CIMAP2: variants seen among roughly 807,000 people sequenced by gnomAD.
The protein encoded by CIMAP2 is ciliary microtubule associated protein 2, also known as ciliary microtubule-associated protein 2.
chr1:54,827,024 C>T, the CIMAP2 span, among the ~76,000 whole-genome samples: 1 of 152,248 alleles, frequency 6.6e-6, no homozygotes, highest in Non-Finnish European at 1.5e-5. Flanking sequence ...TGCATGTATT[C>T]ATCTGCCTTG....
At chr1:54,814,028 C>T in the CIMAP2 span, 29 of 1,533,468 alleles carry the variant, frequency 1.9e-5, no homozygotes, top group Middle Eastern at 1.9e-4. Context: ...GCTCTCCTTC[C>T]GGGGCTGGGC....
chr1:54,831,826 TAA>T, the CIMAP2 span, among the ~76,000 whole-genome samples: 1 of 152,064 alleles, frequency 6.6e-6, no homozygotes, highest in Non-Finnish European at 1.5e-5. Context: ...TGGTAAACAA[TAA>T]AAAAATCCAT....
chr1:54,841,892 G>A, the CIMAP2 span: 1 of 1,549,768 alleles, frequency 6.5e-7, no homozygotes, highest in South Asian at 1.2e-5. Flanking sequence ...GCGAAGGACA[G>A]CCTGCAGTGA....
the CIMAP2 span, chr1:54,811,763 C>CCGCCGGCGGG: frequency 7.8e-7 from 1 of 1,280,766 alleles, no homozygotes; most frequent in Non-Finnish European, 1.1e-6. Context: ...GTGGTTCTGA[C>CCGCCGGCGGG]AGCCTCCATG....
chr1:54,817,967 C>A, the CIMAP2 span, among the ~76,000 whole-genome samples: 1 of 152,148 alleles, frequency 6.6e-6, no homozygotes, highest in Non-Finnish European at 1.5e-5. Flanking sequence ...TTCCTTTCTG[C>A]ACATCTGATC....
the CIMAP2 span, chr1:54,813,785 G>C: frequency 2.5e-6 from 4 of 1,577,536 alleles, no homozygotes; most frequent in Non-Finnish European, 2.6e-6. Context: ...TCCTGGCATA[G>C]CAGATTCCTT....
chr1:54,826,221 T>C, the CIMAP2 span, among the ~76,000 whole-genome samples: 1 of 152,148 alleles, frequency 6.6e-6, no homozygotes, highest in Non-Finnish European at 1.5e-5. Context: ...AGAGGTAGTG[T>C]TGCTGTTAGT....
chr1:54,836,503 A>G, the CIMAP2 span, among the ~76,000 whole-genome samples: 17 of 151,478 alleles, frequency 1.1e-4, 1 homozygote, highest in African/African-American at 3.4e-4. Flanking sequence ...GAGCACAGGG[A>G]GAAACGTTGG....
the CIMAP2 span, among the ~76,000 whole-genome samples, chr1:54,815,858 A>ACGG: frequency 7.3e-6 from 1 of 136,162 alleles, no homozygotes; most frequent in African/African-American, 2.9e-5. Flanking sequence ...CCCCACCCCA[A>ACGG]TTTGATAGCC....
the CIMAP2 span, among the ~76,000 whole-genome samples, chr1:54,821,523 A>C: frequency 6.6e-6 from 1 of 152,128 alleles, no homozygotes; most frequent in Non-Finnish European, 1.5e-5. Context: ...TAATTCTTCC[A>C]GTTCATGAAC....
the CIMAP2 span, among the ~76,000 whole-genome samples, chr1:54,829,290 CT>C: frequency 6.6e-6 from 1 of 152,228 alleles, no homozygotes; most frequent in Non-Finnish European, 1.5e-5. Flanking sequence ...GTTTTCCCAT[CT>C]GTAAAAACAG....
At chr1:54,825,170 C>T in the CIMAP2 span, among the ~76,000 whole-genome samples, 1 of 149,904 alleles carries the variant, frequency 6.7e-6, no homozygotes, top group African/African-American at 2.5e-5. Context: ...CCTGCCTCAA[C>T]CTCCCGAGTA....
the CIMAP2 span, among the ~76,000 whole-genome samples, chr1:54,836,351 TA>T: frequency 3.6e-4 from 54 of 148,130 alleles, 3 homozygotes; most frequent in African/African-American, 1.1e-3. Context: ...CCCCTTTCCT[TA>T]TTCCTCTCTG....
At chr1:54,812,315 C>G in the CIMAP2 span, 2 of 1,354,392 alleles carry the variant, frequency 1.5e-6, no homozygotes, top group Non-Finnish European at 2.0e-6. Context: ...CACCCCCTCA[C>G]TTCACCCTCA....
At chr1:54,807,336 T>C in the CIMAP2 span, among the ~76,000 whole-genome samples, 2 of 152,124 alleles carry the variant, frequency 1.3e-5, no homozygotes, top group Non-Finnish European at 2.9e-5. Flanking sequence ...GAGGGGGCAG[T>C]GATAGAGGAT....
At chr1:54,836,664 C>T in the CIMAP2 span, among the ~76,000 whole-genome samples, 49 of 152,152 alleles carry the variant, frequency 3.2e-4, no homozygotes, top group East Asian at 9.1e-3. Context: ...AAGGAGGGCT[C>T]AGCCAGGTGC....
At chr1:54,821,596 C>T in the CIMAP2 span, among the ~76,000 whole-genome samples, 1 of 152,068 alleles carries the variant, frequency 6.6e-6, no homozygotes, top group South Asian at 2.1e-4. Flanking sequence ...TTTGCAGTTT[C>T]CATTATAGAG....
the CIMAP2 span, among the ~76,000 whole-genome samples, chr1:54,820,001 C>T: frequency 4.0e-5 from 5 of 124,114 alleles, no homozygotes; most frequent in Middle Eastern, 0.01. Context: ...CTTTCTTTCT[C>T]CCTCTCTTTT....
At chr1:54,824,160 C>T in the CIMAP2 span, among the ~76,000 whole-genome samples, 1 of 152,102 alleles carries the variant, frequency 6.6e-6, no homozygotes, top group East Asian at 1.9e-4. Context: ...TAGCTGGGAG[C>T]ATAGGCATGT....
Sources: gnomAD v4.1 joint callset for allele counts (sites outside exome capture counted in the v4.1 genomes callset) on GRCh38, gnomAD v4.1.1 for gene constraint, MANE v1.5 for transcripts, NCBI Gene and HGNC (gene_info 2026-07-23, HGNC 2026-07-21) for gene names.